Variants in CACNA2D1 observed in about 807,000 individuals in gnomAD.
The protein encoded by CACNA2D1 is calcium voltage-gated channel auxiliary subunit alpha2delta 1, also known as voltage-dependent calcium channel subunit alpha-2/delta-1.
CACNA2D1 carries 53 observed loss-of-function variants against 171.5 expected under a neutral mutation model. The ratio of observed to expected loss-of-function variants is 0.31; its 90% CI spans 0.25 to 0.39. The LOEUF is 0.39. Among genes scored for constraint, CACNA2D1 ranks in the 10% least tolerant of loss-of-function variants. The pLI is 1.00. For synonymous variants in CACNA2D1, 442 were observed against 443.1 expected, an observed-to-expected ratio of 1.00 and a Z score of 0.03; for missense variants, 903 against 1,299.8, an observed-to-expected ratio of 0.69 and a Z score of 4.69.
intron 3 of CACNA2D1, among the ~76,000 whole-genome samples, chr7:82,203,660 T>C (rs962061165): frequency 6.6e-6 from 1 of 152,150 alleles, no homozygotes; most frequent in African/African-American, 2.4e-5. Context: ...TGACCACAGA[T>C]GGTTTTGGCT....
chr7:82,437,863 C>T (rs1830221910), intron 1 of CACNA2D1, among the ~76,000 whole-genome samples: 2 of 152,098 alleles, frequency 1.3e-5, no homozygotes, highest in South Asian at 2.1e-4. Context: ...TAAACCTGTG[C>T]ACATTTGCCT....
intron 3 of CACNA2D1, among the ~76,000 whole-genome samples, chr7:82,326,841 C>T (rs757991128): frequency 9.2e-6 from 1 of 108,736 alleles, no homozygotes; most frequent in Non-Finnish European, 2.3e-5. Flanking sequence ...TTCCTGGTTT[C>T]AAATACTTCA....
At chr7:81,985,204 T>TC (rs1796836635) in intron 21 of CACNA2D1, among the ~76,000 whole-genome samples, 1 of 145,422 alleles carries the variant, frequency 6.9e-6, no homozygotes, top group African/African-American at 2.6e-5. Context: ...TACTTTTTTT[T>TC]TTTTTTTTTT....
At chr7:82,295,494 G>A (rs1484400032) in intron 3 of CACNA2D1, among the ~76,000 whole-genome samples, 1 of 151,520 alleles carries the variant, frequency 6.6e-6, no homozygotes, top group Non-Finnish European at 1.5e-5. Flanking sequence ...ACACCACTAT[G>A]CACTATACCT....
At chr7:82,242,696 TA>T (rs1804447592) in intron 3 of CACNA2D1, among the ~76,000 whole-genome samples, 1 of 152,180 alleles carries the variant, frequency 6.6e-6, no homozygotes, top group South Asian at 2.1e-4. Flanking sequence ...CATTATATGA[TA>T]TAGAAAATTT....
At chr7:82,073,015 G>C (rs1808512180) in intron 7 of CACNA2D1, among the ~76,000 whole-genome samples, 1 of 152,098 alleles carries the variant, frequency 6.6e-6, no homozygotes, top group Non-Finnish European at 1.5e-5. Context: ...ATGTTCCTGT[G>C]ACTGGGGCTT....
intron 21 of CACNA2D1, 65 bp from the exon 22 acceptor site, chr7:81,984,776 GAC>G (rs1044739489): frequency 3.5e-6 from 3 of 847,834 alleles, no homozygotes; most frequent in Middle Eastern, 3.1e-4. Flanking sequence ...TTAAAAAAAA[GAC>G]ACATCAAGTT....
At chr7:82,023,719 T>C (rs1272224089) in intron 12 of CACNA2D1, 1 of 151,734 alleles carries the variant, frequency 6.6e-6, no homozygotes, top group Non-Finnish European at 1.5e-5. Context: ...AAATGTACAA[T>C]GTATTACGGC....
chr7:82,389,808 T>G (rs770714123), intron 1 of CACNA2D1, among the ~76,000 whole-genome samples: 18 of 152,162 alleles, frequency 1.2e-4, no homozygotes, highest in Non-Finnish European at 2.1e-4. Context: ...CTGAGCAGAG[T>G]GCCTTATACA....
chr7:82,188,771 T>G (rs150253542), intron 3 of CACNA2D1, among the ~76,000 whole-genome samples: 2,121 of 152,216 alleles, frequency 0.014, 31 homozygotes, highest in Middle Eastern at 0.058. Flanking sequence ...TCAACTTAGA[T>G]GTCCATCAAC....
intron 6 of CACNA2D1, among the ~76,000 whole-genome samples, chr7:82,112,802 T>G (rs1276363723): frequency 2.0e-5 from 3 of 152,190 alleles, no homozygotes; most frequent in African/African-American, 7.2e-5. Flanking sequence ...CCAGAAAGAC[T>G]GCAAGCACCT....
intron 3 of CACNA2D1, among the ~76,000 whole-genome samples, chr7:82,278,885 C>T (rs1261931172): frequency 6.6e-6 from 1 of 152,166 alleles, no homozygotes; most frequent in Non-Finnish European, 1.5e-5. Context: ...ACTCGTTCAG[C>T]ACAGACACTC....
At chr7:82,411,781 T>C (rs1400787197) in intron 1 of CACNA2D1, among the ~76,000 whole-genome samples, 2 of 152,068 alleles carry the variant, frequency 1.3e-5, no homozygotes, top group East Asian at 1.9e-4. Context: ...TTTCTCGCAA[T>C]AGGCATGCAC....
At chr7:82,326,071 C>T (rs1816616087) in intron 3 of CACNA2D1, among the ~76,000 whole-genome samples, 1 of 152,150 alleles carries the variant, frequency 6.6e-6, no homozygotes, top group Non-Finnish European at 1.5e-5. Flanking sequence ...TCCCATCTTG[C>T]ACCCTAAGCT....
At chr7:81,950,642 T>TTCTTTGGATTTCAATTACA in intron 38 of CACNA2D1, 134 bp from the exon 39 acceptor site, 6 of 1,268,160 alleles carry the variant, frequency 4.7e-6, no homozygotes, top group Non-Finnish European at 6.4e-6. Flanking sequence ...CTGCTGTAAT[T>TTCTTTGGATTTCAATTACA]GAAATCCAAA....
intron 6 of CACNA2D1, among the ~76,000 whole-genome samples, chr7:82,100,438 A>G (rs1021139544): frequency 2.0e-5 from 3 of 152,296 alleles, no homozygotes; most frequent in Admixed American, 6.5e-5. Flanking sequence ...TTTTTAGAGC[A>G]TAAAGATGTG....
intron 3 of CACNA2D1, among the ~76,000 whole-genome samples, chr7:82,263,644 G>GA (rs1563277882): frequency 6.6e-6 from 1 of 152,142 alleles, no homozygotes; most frequent in Non-Finnish European, 1.5e-5. Context: ...TAACTTAAAA[G>GA]AGACATTAAA....
intron 6 of CACNA2D1, among the ~76,000 whole-genome samples, chr7:82,096,835 T>C (rs1376401906): frequency 6.6e-6 from 1 of 151,916 alleles, no homozygotes; most frequent in African/African-American, 2.4e-5. Context: ...AAATCACTAT[T>C]TAATAATTCT....
chr7:82,437,718 G>C (rs1830211368), intron 1 of CACNA2D1, among the ~76,000 whole-genome samples: 1 of 115,314 alleles, frequency 8.7e-6, no homozygotes. Context: ...AAATATAAAG[G>C]AGCAATGACC....
Sources: gnomAD v4.1 joint callset for allele counts (sites outside exome capture counted in the v4.1 genomes callset) on GRCh38, gnomAD v4.1.1 for gene constraint, MANE v1.5 for transcripts, NCBI Gene and HGNC (gene_info 2026-07-23, HGNC 2026-07-21) for gene names.